Variants in HTR1E observed in about 807,000 individuals in gnomAD.
HTR1E encodes 5-hydroxytryptamine receptor 1E.
In HTR1E, 3 loss-of-function variants were observed where a neutral mutation model predicts 3.4. The ratio of observed to expected loss-of-function variants is 0.89; its 90% CI spans 0.41 to 2.31. The LOEUF (loss-of-function observed/expected upper bound fraction) is 2.31, where lower values mean the gene tolerates loss of function less well. HTR1E is among the 30% of genes most tolerant of loss of function. The probability of loss-of-function intolerance (pLI) is 0.05; values close to 1 mark genes in which losing one functional copy is unlikely to be tolerated. For synonymous variants in HTR1E, 170 were observed against 182.8 expected (o/e 0.93, Z 0.56); for missense variants, 392 against 467.0 (o/e 0.84, Z 1.48).
At chr6:86,984,949 C>T (rs1242736061) in intron 1 of HTR1E, among the ~76,000 whole-genome samples, 1 of 152,100 alleles carries the variant, frequency 6.6e-6, no homozygotes, top group Non-Finnish European at 1.5e-5. Flanking sequence ...ACAAGGAGCA[C>T]AAGTTTTGGT....
Position 87,007,343 on chromosome 6 carries a change from G to C in HTR1E, c.-185-7807G>C, listed in dbSNP as rs141343632. On this transcript the variant is annotated intron_variant, in intron 1 of 1. Coordinates refer to ENST00000305344, the MANE Select transcript of HTR1E (RefSeq NM_000865.3). Reference sequence around the variant, plus strand: ...AGGCTGGGAAGGGTAGTTGCAGGGGGTGGAGAGAATGGGGATGGTTAATGG... The same window carrying C: ...AGGCTGGGAAGGGTAGTTGCAGGGGCTGGAGAGAATGGGGATGGTTAATGG... Among the ~76,000 whole-genome samples the C allele has an allele frequency of 4.6e-3, 708 of 152,272 alleles. 3 individuals carry two copies. The highest frequency in any genetic ancestry group is 0.016 in the African/African-American group (679 of 41,552).
At chr6:86,995,179 C>T (rs563041942) in intron 1 of HTR1E, among the ~76,000 whole-genome samples, 4 of 151,850 alleles carry the variant, frequency 2.6e-5, no homozygotes, top group Admixed American at 6.6e-5. Context: ...GACCCGGAGC[C>T]GTGGCTCACA....
At chr6:86,990,928 T>G (rs1219787435) in intron 1 of HTR1E, among the ~76,000 whole-genome samples, 1 of 152,142 alleles carries the variant, frequency 6.6e-6, no homozygotes, top group Non-Finnish European at 1.5e-5. Flanking sequence ...AACTTTATAG[T>G]GGAGAATCAT....
chr6:87,009,669 G>C (rs1768172138), intron 1 of HTR1E, among the ~76,000 whole-genome samples: 1 of 146,744 alleles, frequency 6.8e-6, no homozygotes, highest in Non-Finnish European at 1.5e-5. Context: ...CTCCCGGACG[G>C]GGCGGCTGGC....
intron 1 of HTR1E, among the ~76,000 whole-genome samples, chr6:86,999,125 A>C (rs1026845864): frequency 6.6e-5 from 10 of 151,914 alleles, no homozygotes; most frequent in Non-Finnish European, 1.2e-4. Flanking sequence ...ACGCCAGGCT[A>C]ATTTTTTTTA....
At chr6:86,954,481 T>G (rs1419876542) in intron 1 of HTR1E, among the ~76,000 whole-genome samples, 1 of 152,180 alleles carries the variant, frequency 6.6e-6, no homozygotes, top group Non-Finnish European at 1.5e-5. Context: ...ACAGAGGATT[T>G]GATTGTCCCA....
intron 1 of HTR1E, among the ~76,000 whole-genome samples, chr6:86,943,956 G>A (rs769167592): frequency 1.3e-5 from 2 of 152,116 alleles, no homozygotes; most frequent in African/African-American, 2.4e-5. Context: ...AGTTTCAGCC[G>A]AGACTGCAGA....
At chr6:87,010,394 G>GT (rs1768199432) in intron 1 of HTR1E, among the ~76,000 whole-genome samples, 1 of 147,782 alleles carries the variant, frequency 6.8e-6, no homozygotes, top group African/African-American at 2.5e-5. Context: ...CCCGGACGGG[G>GT]TGGCTGGCCG....
chr6:86,975,040 G>A (rs1228417814), intron 1 of HTR1E, among the ~76,000 whole-genome samples: 1 of 152,186 alleles, frequency 6.6e-6, no homozygotes, highest in African/African-American at 2.4e-5. Flanking sequence ...ACCAAGGTCT[G>A]AGTCCTAGGA....
intron 1 of HTR1E, among the ~76,000 whole-genome samples, chr6:87,013,242 T>G (rs532259025): frequency 1.1e-4 from 17 of 152,328 alleles, no homozygotes; most frequent in African/African-American, 4.1e-4. Flanking sequence ...TCCCTGGTGC[T>G]CTGACCTTCA....
At chr6:86,940,538 AAAAAG>A (rs577112262) in intron 1 of HTR1E, among the ~76,000 whole-genome samples, 93 of 152,312 alleles carry the variant, frequency 6.1e-4, no homozygotes, top group African/African-American at 1.8e-3. Context: ...CTTGTCTCAA[AAAAAG>A]AAAAGAAAAG....
intron 1 of HTR1E, among the ~76,000 whole-genome samples, chr6:86,974,367 C>A (rs191133357): frequency 6.6e-6 from 1 of 152,260 alleles, no homozygotes; most frequent in Non-Finnish European, 1.5e-5. Flanking sequence ...GCAAAAGAAT[C>A]CTGTTCAGAA....
rs1445479395 is a variant in HTR1E at position 87,015,939 on chromosome 6, A to G, written c.605A>G (p.Tyr202Cys). The G allele has an allele frequency of 2.5e-6, 4 of 1,614,106 alleles. No homozygotes were observed. The highest frequency in any genetic ancestry group is 2.5e-6 in the Non-Finnish European group (3 of 1,179,974). ...YIPLTLILIL[Y>C]YRIYHAAKSL... ...CCCTTGACTTTGATACTGATTCTCTATTACCGGATTTACCACGCGGCCAAG... is the reference window on the plus strand; with the variant it reads ...CCCTTGACTTTGATACTGATTCTCTGTTACCGGATTTACCACGCGGCCAAG... The change falls in exon 2 of 2, where the codon TAT becomes TGT. Residue 202 changes from tyrosine (Y) to cysteine (C), a missense_variant. Coordinates refer to ENST00000305344, the MANE Select transcript of HTR1E (RefSeq NM_000865.3).
intron 1 of HTR1E, among the ~76,000 whole-genome samples, chr6:86,958,273 TG>T (rs1767353637): frequency 6.6e-6 from 1 of 152,144 alleles, no homozygotes; most frequent in African/African-American, 2.4e-5. Context: ...TTAGCCAGGA[TG>T]GTCTCGATAT....
At position 87,015,404 on chromosome 6, in the gene HTR1E, C is replaced by T; in HGVS notation, c.70C>T (p.Leu24Phe). ...ACCCAAGACCATCACTGAGAAGATG[C>T]TCATTTGCATGACTCTGGTGGTCAT... ...IRPKTITEKM[L>F]ICMTLVVITT... Residue 24 changes from leucine to phenylalanine, a missense_variant, in exon 2 of 2, where the codon CTC becomes TTC. By Grantham distance (22) the Leu-to-Phe change is conservative. Coordinates refer to ENST00000305344, the MANE Select transcript of HTR1E (RefSeq NM_000865.3). 1.9e-6 allele frequency: 3 copies of T among 1,611,578 alleles called. No individual in the cohort carries two copies. The highest frequency in any genetic ancestry group is 1.1e-5 in the South Asian group (1 of 90,906).
At chr6:86,948,096 A>G (rs1767151831) in intron 1 of HTR1E, among the ~76,000 whole-genome samples, 1 of 151,996 alleles carries the variant, frequency 6.6e-6, no homozygotes. Context: ...ATGTGTTCTC[A>G]TTGTTCAACT....
intron 1 of HTR1E, among the ~76,000 whole-genome samples, chr6:86,954,770 A>G (rs902370808): frequency 4.6e-5 from 7 of 152,050 alleles, no homozygotes; most frequent in Admixed American, 1.3e-4. Context: ...ATTTTCTTCT[A>G]TTTTTTTCTG....
rs1203329607 is a variant in HTR1E, at chr6:87,015,307, C to G, written c.-28C>G. 2.0e-6 allele frequency: 3 copies of G among 1,495,592 alleles called. No homozygotes were observed. Among genetic ancestry groups the G allele is most frequent in the Non-Finnish European group, 2.7e-6 (3 of 1,119,010 alleles). The allele number at this position is 1,495,592 out of a possible 1,614,324, so 92.6% of individuals were successfully genotyped here. On this transcript the variant is annotated 5_prime_UTR_variant, in exon 2 of 2. Coordinates refer to ENST00000305344, the MANE Select transcript of HTR1E (RefSeq NM_000865.3). ...CAAAGGAAAATAACCAACAGCTTCTCCACAGTGTAGACTGAAACAAGGGAA... is the reference window on the plus strand; with the variant it reads ...CAAAGGAAAATAACCAACAGCTTCTGCACAGTGTAGACTGAAACAAGGGAA...
intron 1 of HTR1E, among the ~76,000 whole-genome samples, chr6:86,941,415 G>T (rs768118048): frequency 1.3e-5 from 2 of 152,132 alleles, no homozygotes; most frequent in Non-Finnish European, 2.9e-5. Context: ...CTGGTTTACT[G>T]CAGTCCTTAC....
Sources: gnomAD v4.1 joint callset for allele counts (sites outside exome capture counted in the v4.1 genomes callset) on GRCh38, gnomAD v4.1.1 for gene constraint, MANE v1.5 for transcripts, NCBI Gene and HGNC (gene_info 2026-07-23, HGNC 2026-07-21) for gene names.